Variants in NEMP2 observed in about 807,000 individuals in gnomAD.
The protein encoded by NEMP2 is UPF0571 transmembrane protein.
A neutral mutation model predicts 54.2 loss-of-function variants in NEMP2; 53 were observed. That is an observed-to-expected ratio of 0.98 (90% confidence interval 0.78 to 1.23). NEMP2 has a LOEUF of 1.23. Among genes scored for constraint, NEMP2 ranks in the 50% most tolerant of loss-of-function variants. NEMP2 has a pLI of 0.00. For missense variants in NEMP2, 455 were observed against 511.3 expected (o/e 0.89, Z 1.06); for synonymous variants, 197 against 190.3 (o/e 1.04, Z -0.29).
rs1249049617 is a variant in NEMP2, at chr2:190,522,121, A to G, written c.214-2938T>C. Among the ~76,000 whole-genome samples the G allele has an allele frequency of 6.6e-6, 1 of 152,206 alleles. No homozygotes were observed. Among genetic ancestry groups the G allele is most frequent in the Admixed American group, 6.5e-5 (1 of 15,276 alleles). ...GACACTTATCTGAAAATACCTTTGT[A>G]TAGAGTTTTAACTTTTAAGCCATAT... On this transcript the variant is annotated intron_variant, in intron 2 of 8. Transcript: ENST00000409150. This position sits in a 1 kb window ranked among gnomAD's most constrained non-coding sequence, Gnocchi z 5.0.
chr2:190,499,755 C>A, downstream of NEMP2: 1 of 1,379,338 alleles, frequency 7.2e-7, no homozygotes, highest in Non-Finnish European at 9.7e-7. This position sits in a 1 kb window ranked among gnomAD's most constrained non-coding sequence, Gnocchi z 6.0. Flanking sequence ...TACTAACAGA[C>A]ATTTTGGTAG....
the NEMP2 span, among the ~76,000 whole-genome samples, chr2:190,540,668 A>G: frequency 6.6e-6 from 1 of 152,186 alleles, no homozygotes; most frequent in Non-Finnish European, 1.5e-5. Flanking sequence ...GAGGTTTATT[A>G]GGGATATTGG....
At chr2:190,476,484 C>A in the NEMP2 span, among the ~76,000 whole-genome samples, 1 of 152,142 alleles carries the variant, frequency 6.6e-6, no homozygotes, top group Non-Finnish European at 1.5e-5. Context: ...CAGAGAAATG[C>A]AAATCAAAAC....
chr2:190,572,078 T>C, the NEMP2 span, among the ~76,000 whole-genome samples: 1 of 152,160 alleles, frequency 6.6e-6, no homozygotes, highest in Non-Finnish European at 1.5e-5. Context: ...TGCTTTATTA[T>C]TTTCTGGGGT....
chr2:190,627,448 G>A, the NEMP2 span, among the ~76,000 whole-genome samples: 5 of 152,080 alleles, frequency 3.3e-5, no homozygotes, highest in Non-Finnish European at 7.4e-5. This position sits in a 1 kb window ranked among gnomAD's most constrained non-coding sequence, Gnocchi z 4.4. Context: ...CTCTGGTGAG[G>A]GAATTTCTAT....
the NEMP2 span, among the ~76,000 whole-genome samples, chr2:190,431,573 C>T: frequency 5.9e-5 from 9 of 152,320 alleles, no homozygotes; most frequent in South Asian, 1.2e-3. This position sits in a 1 kb window ranked among gnomAD's most constrained non-coding sequence, Gnocchi z 4.4. Context: ...GGTGTGGCGG[C>T]GCGCGCCTGC....
the NEMP2 span, among the ~76,000 whole-genome samples, chr2:190,456,527 C>T: frequency 8.8e-3 from 1,342 of 152,346 alleles, 10 homozygotes; most frequent in South Asian, 0.06. The surrounding 1 kb of genome is among the most constrained non-coding windows in gnomAD (Gnocchi z 5.4). Context: ...AACTCCCTGG[C>T]TGCTCTAGGA....
chr2:190,504,849 T>C lies in NEMP2; in HGVS notation c.*4340A>G, dbSNP rs1409320523. The C allele has an allele frequency of 1.3e-5, 2 of 152,234 alleles. No homozygotes were observed. The highest frequency in any genetic ancestry group is 2.9e-5 in the Non-Finnish European group (2 of 68,046). The allele number at this position is 152,234 out of a possible 1,614,324, so 9.4% of individuals were successfully genotyped here. A position where few individuals can be genotyped will look rare whatever the true frequency, so the allele number is the denominator to read the frequency against. On this transcript the variant is annotated 3_prime_UTR_variant, in exon 9 of 9. Transcript: ENST00000409150. This position sits in a 1 kb window ranked among gnomAD's most constrained non-coding sequence, Gnocchi z 5.6. ...TCAAAGTGTGCTCAATGACTGGTGC[T>C]GTCAAACTACTGCTGGTATGTGACA...
Position 190,507,631 on chromosome 2 carries a change from A to G in NEMP2, c.*1558T>C, listed in dbSNP as rs764047135. ...TTTTTAAAAATCCAAGTCTATATAA[A>G]GGCAGATTAACTTTAGTGGATATTA... On this transcript the variant is annotated 3_prime_UTR_variant, in exon 9 of 9. Coordinates refer to ENST00000409150, the MANE Select transcript of NEMP2 (RefSeq NM_001142645.2). The surrounding 1 kb of genome is among the most constrained non-coding windows in gnomAD (Gnocchi z 4.4). The G allele has an allele frequency of 3.3e-5, 5 of 152,212 alleles. No homozygotes were observed. The highest frequency in any genetic ancestry group is 7.3e-5 in the Non-Finnish European group (5 of 68,040). The allele number at this position is 152,212 out of a possible 1,614,324, so 9.4% of individuals were successfully genotyped here.
the NEMP2 span, among the ~76,000 whole-genome samples, chr2:190,597,098 CAA>C: frequency 6.6e-6 from 1 of 151,826 alleles, no homozygotes; most frequent in Non-Finnish European, 1.5e-5. This position sits in a 1 kb window ranked among gnomAD's most constrained non-coding sequence, Gnocchi z 4.7. Flanking sequence ...CCCACCTCTA[CAA>C]AAAAATTTTT....
chr2:190,561,789 T>A, the NEMP2 span, among the ~76,000 whole-genome samples: 2 of 152,180 alleles, frequency 1.3e-5, no homozygotes, highest in South Asian at 4.1e-4. This position sits in a 1 kb window ranked among gnomAD's most constrained non-coding sequence, Gnocchi z 5.4. Flanking sequence ...ATACCAGTAC[T>A]GCAATTAATG....
At chr2:190,500,042 C>A, downstream of NEMP2, 1 of 1,614,166 alleles carries the variant, frequency 6.2e-7, no homozygotes, top group Non-Finnish European at 8.5e-7. This position sits in a 1 kb window ranked among gnomAD's most constrained non-coding sequence, Gnocchi z 5.3. Flanking sequence ...GGAAAATTCT[C>A]CTGCTGGTAG....
rs1387901095 is a variant in NEMP2, at chr2:190,525,909, G to T, written c.98-531C>A. Among the ~76,000 whole-genome samples the T allele has an allele frequency of 6.6e-6, 1 of 152,202 alleles. No homozygotes were observed. Among genetic ancestry groups the T allele is most frequent in the African/African-American group, 2.4e-5 (1 of 41,446 alleles). On this transcript the variant is annotated intron_variant, in intron 1 of 8. Coordinates refer to ENST00000409150, the MANE Select transcript of NEMP2 (RefSeq NM_001142645.2). The surrounding 1 kb of genome is among the most constrained non-coding windows in gnomAD (Gnocchi z 5.0). ...CCTGTAGCTGGAGTGGTAAACCATA[G>T]CTACTACTATACCATGTGGACTCCA...
the NEMP2 span, among the ~76,000 whole-genome samples, chr2:190,582,495 A>G: frequency 2.0e-5 from 3 of 152,178 alleles, no homozygotes; most frequent in Admixed American, 6.5e-5. This position sits in a 1 kb window ranked among gnomAD's most constrained non-coding sequence, Gnocchi z 4.6. Context: ...TTAAACTATG[A>G]TGTAAGGCTT....
chr2:190,525,148 T>C lies in NEMP2; in HGVS notation c.213+115A>G, dbSNP rs1690887967. 1.6e-6 allele frequency: 1 copy of C among 609,438 alleles called. No homozygotes were observed. Among genetic ancestry groups the C allele is most frequent in the Non-Finnish European group, 2.9e-6 (1 of 345,068 alleles). The allele number at this position is 609,438 out of a possible 1,614,324, so 37.8% of individuals were successfully genotyped here. ...ATCCTCAAGTCAGCTTTCATAGTGATACACAGATCTGTGTCATACCAAAAA... is the reference window on the plus strand; with the variant it reads ...ATCCTCAAGTCAGCTTTCATAGTGACACACAGATCTGTGTCATACCAAAAA... On this transcript the variant is annotated intron_variant, in intron 2 of 8. Transcript: ENST00000409150. This position sits in a 1 kb window ranked among gnomAD's most constrained non-coding sequence, Gnocchi z 5.0.
chr2:190,642,075 T>C, the NEMP2 span, among the ~76,000 whole-genome samples: 4 of 152,248 alleles, frequency 2.6e-5, no homozygotes, highest in African/African-American at 4.8e-5. This position sits in a 1 kb window ranked among gnomAD's most constrained non-coding sequence, Gnocchi z 4.1. Context: ...AATTTGCTTA[T>C]CTGTAGAAGT....
chr2:190,462,740 G>T, the NEMP2 span, among the ~76,000 whole-genome samples: 2 of 152,170 alleles, frequency 1.3e-5, no homozygotes, highest in African/African-American at 4.8e-5. This position sits in a 1 kb window ranked among gnomAD's most constrained non-coding sequence, Gnocchi z 5.7. Context: ...CTCAAAATCA[G>T]AGGTACCAGT....
chr2:190,455,375 A>G, the NEMP2 span, among the ~76,000 whole-genome samples: 1 of 152,180 alleles, frequency 6.6e-6, no homozygotes, highest in African/African-American at 2.4e-5. Flanking sequence ...AGTGATCACT[A>G]CTTTTTGTGT....
chr2:190,623,202 T>C, the NEMP2 span, among the ~76,000 whole-genome samples: 1 of 152,196 alleles, frequency 6.6e-6, no homozygotes. Flanking sequence ...TCCATGCTCA[T>C]GGATTGGAAG....
Sources: gnomAD v4.1 joint callset for allele counts (sites outside exome capture counted in the v4.1 genomes callset) on GRCh38, gnomAD v4.1.1 for gene constraint, Gnocchi (gnomAD v3.1) non-coding constraint, MANE v1.5 for transcripts, NCBI Gene and HGNC (gene_info 2026-07-23, HGNC 2026-07-21) for gene names.